CCDC91: variants seen among roughly 807,000 people sequenced by gnomAD.
CCDC91 encodes coiled-coil domain containing 91.
CCDC91 carries 48 observed loss-of-function variants against 63.2 expected under a neutral mutation model. The observed-to-expected ratio is 0.76, with a 90% CI of 0.60 to 0.97. The LOEUF is 0.97. Among genes scored for constraint, CCDC91 ranks in the 50% least tolerant of loss-of-function variants. The pLI is 0.00. For synonymous variants in CCDC91, 167 were observed against 165.8 expected (o/e 1.01, Z -0.06); for missense variants, 500 against 494.6 (o/e 1.01, Z -0.10).
intron 6 of CCDC91, among the ~76,000 whole-genome samples, chr12:28,338,520 G>A (rs552564931): frequency 6.6e-6 from 1 of 152,184 alleles, no homozygotes; most frequent in East Asian, 1.9e-4. Context: ...TTTGGGTGCT[G>A]GAAGGGGTAA....
At chr12:28,314,092 T>C (rs181087138) in intron 6 of CCDC91, among the ~76,000 whole-genome samples, 1 of 152,168 alleles carries the variant, frequency 6.6e-6, no homozygotes. Flanking sequence ...GTGTAAACTT[T>C]TTAAAGACTG....
intron 12 of CCDC91, among the ~76,000 whole-genome samples, chr12:28,537,389 A>G (rs916930656): frequency 7.9e-5 from 12 of 152,122 alleles, no homozygotes; most frequent in Non-Finnish European, 1.5e-4. Flanking sequence ...TCCAGTCTTC[A>G]CATTAAAATT....
intron 12 of CCDC91, among the ~76,000 whole-genome samples, chr12:28,547,746 C>T (rs1455904453): frequency 6.6e-6 from 1 of 152,070 alleles, no homozygotes; most frequent in Non-Finnish European, 1.5e-5. Flanking sequence ...TTTACAGGAG[C>T]ATTTTGCTAA....
intron 8 of CCDC91, among the ~76,000 whole-genome samples, chr12:28,402,602 A>AT (rs879775164): frequency 7.1e-6 from 1 of 141,036 alleles, no homozygotes; most frequent in East Asian, 2.1e-4. Context: ...AAAAAAAAAA[A>AT]TTATTTCTTT....
chr12:28,362,576 CAT>C (rs1491537804), intron 7 of CCDC91, 61 bp downstream of exon 7: 3 of 1,017,408 alleles, frequency 2.9e-6, no homozygotes, highest in East Asian at 2.6e-5. Context: ...AAAATGTACA[CAT>C]GTAGGTATGT....
chr12:28,319,951 C>A (rs1162152106), intron 6 of CCDC91, among the ~76,000 whole-genome samples: 1 of 151,796 alleles, frequency 6.6e-6, no homozygotes, highest in Non-Finnish European at 1.5e-5. Context: ...CTTGGCCATA[C>A]AATTTTTACT....
chr12:28,304,398 A>C lies in CCDC91; in HGVS notation c.110-1251A>C, dbSNP rs1938456409. On this transcript the variant is annotated intron_variant, in intron 3 of 12. Transcript: ENST00000536442. ...TCTAAAAAAAAAAAAAAAAAAAAAA[A>C]AAAGAAAAAAAAAAAAAGAAAAAAA... Among the ~76,000 whole-genome samples, 5 of 123,462 alleles carry C rather than the reference A, an allele frequency of 4.0e-5. No homozygotes were observed. In the East Asian group the frequency reaches 1.3e-3, roughly 31 times the overall value. The allele number at this position is 123,462 out of a possible 152,430, so 81.0% of individuals were successfully genotyped here. A position where few individuals can be genotyped will look rare whatever the true frequency, so the allele number is the denominator to read the frequency against.
chr12:28,527,060 G>A (rs1565525571), intron 12 of CCDC91, among the ~76,000 whole-genome samples: 5 of 151,972 alleles, frequency 3.3e-5, no homozygotes, highest in African/African-American at 1.2e-4. Flanking sequence ...TTTCTCTGGT[G>A]CCTCCCTTAT....
At chr12:28,478,963 A>G (rs1951282376) in intron 11 of CCDC91, among the ~76,000 whole-genome samples, 1 of 152,166 alleles carries the variant, frequency 6.6e-6, no homozygotes, top group South Asian at 2.1e-4. Flanking sequence ...TCGGGAAACA[A>G]CAGGTGCTGG....
At chr12:28,450,311 T>G in intron 9 of CCDC91, 39 bp from the exon 10 acceptor site, 1 of 1,587,118 alleles carries the variant, frequency 6.3e-7, no homozygotes. Context: ...CCTCAAATAA[T>G]ACATTTAATG....
intron 6 of CCDC91, among the ~76,000 whole-genome samples, chr12:28,336,966 A>G (rs1160785260): frequency 1.3e-5 from 2 of 152,090 alleles, no homozygotes; most frequent in East Asian, 1.9e-4. Context: ...CTTTTAGTAT[A>G]TTCAAATTCC....
rs900894259 is a variant in CCDC91 at position 28,380,269 on chromosome 12, C to T, written c.655-11035C>T. On this transcript the variant is annotated intron_variant, in intron 7 of 12. Transcript: ENST00000536442. ...AACAAACCAACATGGCACGTGTATA[C>T]CTATGTATCAAACCTGTACCTTGTG... 5.3e-4 allele frequency among the ~76,000 whole-genome samples: 81 copies of T among 152,068 alleles called. 1 individual carries two copies. The highest frequency in any genetic ancestry group is 3.4e-3 in the Middle Eastern group (1 of 294).
intron 12 of CCDC91, among the ~76,000 whole-genome samples, chr12:28,548,145 C>T (rs1036630658): frequency 6.6e-6 from 1 of 152,104 alleles, no homozygotes; most frequent in African/African-American, 2.4e-5. Context: ...ATTTCCCTTA[C>T]TAACCCTCTT....
intron 6 of CCDC91, among the ~76,000 whole-genome samples, chr12:28,331,495 T>C (rs1941506608): frequency 6.6e-6 from 1 of 152,204 alleles, no homozygotes; most frequent in Non-Finnish European, 1.5e-5. Flanking sequence ...TAAAACATTA[T>C]GGAAATGCCA....
chr12:28,413,262 G>A (rs1249352506), intron 8 of CCDC91, among the ~76,000 whole-genome samples: 1 of 151,852 alleles, frequency 6.6e-6, no homozygotes, highest in African/African-American at 2.4e-5. Flanking sequence ...TTTTGGTATA[G>A]GGGTCCTTTC....
chr12:28,315,753 T>C (rs1939793237), intron 6 of CCDC91, among the ~76,000 whole-genome samples: 3 of 151,800 alleles, frequency 2.0e-5, no homozygotes, highest in Non-Finnish European at 4.4e-5. Context: ...AGTCTACACC[T>C]CATCCTCTGC....
Position 28,213,147 on chromosome 12 carries a change from TC to T in CCDC91, c.-15+22510del, listed in dbSNP as rs1377486572. On this transcript the variant is annotated intron_variant, in intron 1 of 12. Transcript: ENST00000536442. ...AGTGGGAATGGCCTCTTTACCCACC[TC>T]CCCTCTGCCCCTCCTTTCCCCCCAG... Among the ~76,000 whole-genome samples the T allele has an allele frequency of 1.1e-4, 16 of 152,178 alleles. No homozygotes were observed. In the South Asian group the frequency reaches 3.3e-3, roughly 32 times the overall value.
intron 3 of CCDC91, among the ~76,000 whole-genome samples, chr12:28,293,956 C>T (rs12372448): frequency 0.2 from 30,564 of 152,028 alleles, 4,030 homozygotes; most frequent in Non-Finnish European, 0.3. Context: ...AACACACACA[C>T]GCCCAAAATC....
At chr12:28,323,984 A>G (rs535626985) in intron 6 of CCDC91, among the ~76,000 whole-genome samples, 2 of 152,102 alleles carry the variant, frequency 1.3e-5, no homozygotes, top group South Asian at 4.1e-4. Context: ...GTTGAGTAAC[A>G]CTAAACATAC....
Sources: gnomAD v4.1 joint callset for allele counts (sites outside exome capture counted in the v4.1 genomes callset) on GRCh38, gnomAD v4.1.1 for gene constraint, MANE v1.5 for transcripts, NCBI Gene and HGNC (gene_info 2026-07-23, HGNC 2026-07-21) for gene names.